The following SHROOM2 variants were observed in gnomAD, a reference collection of about 807,000 sequenced individuals.
SHROOM2 encodes the protein shroom family member 2.
Under a neutral mutation model 75.9 loss-of-function variants are expected in SHROOM2, and 33 were observed. The ratio of observed to expected loss-of-function variants is 0.43; its 90% CI spans 0.33 to 0.58. SHROOM2 has a LOEUF of 0.58. Among genes scored for constraint, SHROOM2 ranks in the 20% least tolerant of loss-of-function variants. SHROOM2 has a pLI of 0.04. For missense variants in SHROOM2, 1,434 were observed against 1,461.2 expected, an observed-to-expected ratio of 0.98 and a Z score of 0.30; for synonymous variants, 655 against 663.6, an observed-to-expected ratio of 0.99 and a Z score of 0.20.
At chrX:9,923,130 A>G in intron 5 of SHROOM2, among the ~76,000 whole-genome samples, 1 of 111,584 alleles carries the variant, frequency 9.0e-6, no homozygotes, top group Middle Eastern at 4.6e-3. Flanking sequence ...AAAACCTATG[A>G]TTTTATAACT....
At position 9,947,170 on chromosome X, in the gene SHROOM2, A is replaced by C; in HGVS notation, c.*233A>C. On this transcript the variant is annotated 3_prime_UTR_variant, in exon 10 of 10. Coordinates refer to ENST00000380913, the MANE Select transcript of SHROOM2 (RefSeq NM_001649.4). ...TTTCCTTTACACATAACTACACCTG[A>C]CACCAGGCTCTGCTGGATGTGAGTT... 2.5e-6 allele frequency: 1 copy of C among 403,436 alleles called. No homozygotes were observed. The highest frequency in any genetic ancestry group is 4.8e-5 in the Admixed American group (1 of 20,985). The allele number at this position is 403,436 out of a possible 1,213,427, so 33.2% of individuals were successfully genotyped here. A position where few individuals can be genotyped will look rare whatever the true frequency, so the allele number is the denominator to read the frequency against.
chrX:9,802,148 G>C (rs1171478741), intron 1 of SHROOM2, among the ~76,000 whole-genome samples: 2 of 107,598 alleles, frequency 1.9e-5, no homozygotes, highest in Non-Finnish European at 1.9e-5. Flanking sequence ...GCCCAGGCTG[G>C]ACTTGAGCTC....
chrX:9,932,427 G>A lies in SHROOM2; in HGVS notation c.3144G>A (p.Ser1048=), dbSNP rs137947571. The change falls in exon 6 of 10, where the codon TCG becomes TCA. Residue 1048 remains serine, a synonymous_variant. Transcript: ENST00000380913. Reference sequence around the variant, plus strand: ...CCCTGCATGCTCGAGGACAAGACTCGTGGCCAGTGAGCTCAGCCCTGCTCT... The same window carrying A: ...CCCTGCATGCTCGAGGACAAGACTCATGGCCAGTGAGCTCAGCCCTGCTCT... ...GSPLHARGQD[S]WPVSSALLSK... 6.6e-6 allele frequency: 8 copies of A among 1,208,440 alleles called. No individual in the cohort carries two copies. The South Asian group carries it at 8.8e-5, about 13-fold the overall frequency.
rs1018817656 is a variant in SHROOM2 at position 9,811,185 on chromosome X, G to C, written c.165+24475G>C. ...TAGCTGGCTGATCACCCTGAGGAAT[G>C]GTGCCATATCAAGGGCTCAGTGTTG... On this transcript the variant is annotated intron_variant, in intron 1 of 9. Transcript: ENST00000380913. Among the ~76,000 whole-genome samples the C allele has an allele frequency of 3.6e-5, 4 of 111,988 alleles. No homozygotes were observed. In the East Asian group the frequency reaches 1.1e-3, roughly 32 times the overall value.
intron 1 of SHROOM2, among the ~76,000 whole-genome samples, chrX:9,808,132 GTAAATA>G (rs2083766229): frequency 1.8e-5 from 2 of 111,689 alleles, no homozygotes; most frequent in African/African-American, 6.5e-5. Context: ...GTTTCATCCA[GTAAATA>G]CGGTAGTACT....
At position 9,803,570 on chromosome X, in the gene SHROOM2, C is replaced by T. The variant is rs1271890886; in HGVS notation, c.165+16860C>T. ...TTTTCCCACCCGATGGTGCTCCGTG[C>T]CTCCTGTCAGGAAGAAAGCAGAACT... On this transcript the variant is annotated intron_variant, in intron 1 of 9. Coordinates refer to ENST00000380913, the MANE Select transcript of SHROOM2 (RefSeq NM_001649.4). Among the ~76,000 whole-genome samples, 4 of 111,101 alleles carry T rather than the reference C, an allele frequency of 3.6e-5. No individual in the cohort carries two copies. In the South Asian group the frequency reaches 1.1e-3, roughly 32 times the overall value.
At chrX:9,795,961 T>G (rs1234999122) in intron 1 of SHROOM2, among the ~76,000 whole-genome samples, 2 of 110,984 alleles carry the variant, frequency 1.8e-5, no homozygotes, top group Non-Finnish European at 3.8e-5. Context: ...AGGCAGTGCT[T>G]GCTTGCTTGC....
At chrX:9,819,981 A>G (rs2083844434) in intron 1 of SHROOM2, among the ~76,000 whole-genome samples, 1 of 108,100 alleles carries the variant, frequency 9.3e-6, no homozygotes. Context: ...TTTTATTTTT[A>G]GTAGAGATGG....
chrX:9,825,241 A>C (rs2083881641), intron 1 of SHROOM2, among the ~76,000 whole-genome samples: 1 of 112,400 alleles, frequency 8.9e-6, no homozygotes. Context: ...ACAAAAATGA[A>C]AGGGATCACG....
chrX:9,845,919 C>A (rs1365662197), intron 1 of SHROOM2, among the ~76,000 whole-genome samples: 2 of 104,159 alleles, frequency 1.9e-5, no homozygotes, highest in East Asian at 3.0e-4. Context: ...CCCAACCCCC[C>A]AAATATAGGA....
chrX:9,933,131 G>A (rs1336346366), intron 6 of SHROOM2, among the ~76,000 whole-genome samples: 2 of 111,186 alleles, frequency 1.8e-5, no homozygotes, highest in African/African-American at 6.5e-5. Flanking sequence ...CTTCCTCCAA[G>A]CCAGATGCAT....
chrX:9,838,366 C>T (rs1415231153), intron 1 of SHROOM2, among the ~76,000 whole-genome samples: 1 of 110,794 alleles, frequency 9.0e-6, no homozygotes, highest in Admixed American at 9.7e-5. Flanking sequence ...GGCCTTAAAT[C>T]AGGAGTTTTA....
chrX:9,841,113 G>A (rs972742895), intron 1 of SHROOM2, among the ~76,000 whole-genome samples: 59 of 111,228 alleles, frequency 5.3e-4, no homozygotes, highest in African/African-American at 1.8e-3. Context: ...CCGTCACCAC[G>A]CCTGGTTAAT....
In SHROOM2 at chrX:9,819,276, T is replaced by C. The variant is rs2083839221; in HGVS notation, c.165+32566T>C. The C allele has an allele frequency of 7.4e-6, 5 of 673,156 alleles. No individual in the cohort carries two copies. The South Asian group carries it at 1.3e-4, about 18-fold the overall frequency. 55.5% of individuals were successfully genotyped at this position (673,156 alleles called of 1,213,427 possible). ...CAGCTTATTGGCCTCCTGAGATCCA[T>C]TCACAATGTAACAATGTATCCCACC... On this transcript the variant is annotated intron_variant, in intron 1 of 9. Transcript: ENST00000380913.
chrX:9,898,873 G>C (rs193018604), intron 5 of SHROOM2, among the ~76,000 whole-genome samples: 12 of 111,312 alleles, frequency 1.1e-4, no homozygotes, highest in Admixed American at 1.9e-4. Flanking sequence ...CAGGAGATTA[G>C]AGCGTTTTGT....
chrX:9,846,960 C>T (rs927534825), intron 1 of SHROOM2, among the ~76,000 whole-genome samples: 1 of 112,336 alleles, frequency 8.9e-6, no homozygotes, highest in Non-Finnish European at 1.9e-5. Flanking sequence ...AGACGAGTCT[C>T]ATAGGTGAAA....
intron 2 of SHROOM2, among the ~76,000 whole-genome samples, chrX:9,890,754 G>T (rs1441056736): frequency 1.9e-5 from 2 of 104,954 alleles, no homozygotes; most frequent in African/African-American, 7.1e-5. Context: ...CAAGTCCCCT[G>T]CACTGTTCGT....
intron 2 of SHROOM2, among the ~76,000 whole-genome samples, chrX:9,881,645 T>C (rs1306303472): frequency 8.9e-6 from 1 of 112,396 alleles, no homozygotes; most frequent in Non-Finnish European, 1.9e-5. Context: ...GTAATAGCAT[T>C]TCACTACTGC....
chrX:9,810,447 C>A (rs777146939), intron 1 of SHROOM2, among the ~76,000 whole-genome samples: 17 of 111,168 alleles, frequency 1.5e-4, no homozygotes, highest in Admixed American at 1.3e-3. Flanking sequence ...CTGGGTCAGT[C>A]ACCCCAGCCA....
Sources: gnomAD v4.1 joint callset for allele counts (sites outside exome capture counted in the v4.1 genomes callset) on GRCh38, gnomAD v4.1.1 for gene constraint, MANE v1.5 for transcripts, NCBI Gene and HGNC (gene_info 2026-07-23, HGNC 2026-07-21) for gene names.